PPP1R21: variants seen among roughly 807,000 people sequenced by gnomAD.
PPP1R21 encodes the protein protein phosphatase 1 regulatory subunit 21.
A neutral mutation model predicts 112.8 loss-of-function variants in PPP1R21; 85 were observed. That is an observed-to-expected ratio of 0.75 (90% confidence interval 0.63 to 0.90). The LOEUF (loss-of-function observed/expected upper bound fraction) is 0.90, where lower values mean the gene tolerates loss of function less well. PPP1R21 is among the 40% of genes least tolerant of loss of function. The pLI is 0.00. For missense variants in PPP1R21, 1,199 were observed against 901.5 expected (o/e 1.33, Z -4.23); for synonymous variants, 381 against 322.3 (o/e 1.18, Z -1.95).
At chr2:48,458,579 C>CT (rs80280182) in intron 4 of PPP1R21, among the ~76,000 whole-genome samples, 15,813 of 137,350 alleles carry the variant, frequency 0.12, 957 homozygotes, top group Non-Finnish European at 0.14. Flanking sequence ...CTCCCCCTCC[C>CT]TTTTTTTTTT....
intron 13 of PPP1R21, among the ~76,000 whole-genome samples, chr2:48,485,337 C>G (rs1466739514): frequency 1.3e-5 from 2 of 152,040 alleles, no homozygotes; most frequent in African/African-American, 4.8e-5. Context: ...ATTCAGCATC[C>G]TAATTGAATT....
intron 1 of PPP1R21, among the ~76,000 whole-genome samples, chr2:48,444,157 A>G (rs1022501997): frequency 6.6e-6 from 1 of 152,238 alleles, no homozygotes; most frequent in African/African-American, 2.4e-5. Flanking sequence ...TGAGGCAAAC[A>G]GATTGCTAAA....
intron 3 of PPP1R21, 105 bp from the exon 4 acceptor site, chr2:48,458,021 A>C (rs781114784): frequency 2.6e-6 from 2 of 769,940 alleles, no homozygotes; most frequent in Non-Finnish European, 4.7e-6. Flanking sequence ...AGAATGGTGA[A>C]CACATAGAAG....
intron 12 of PPP1R21, among the ~76,000 whole-genome samples, chr2:48,477,488 T>A (rs1668810519): frequency 6.6e-6 from 1 of 152,230 alleles, no homozygotes; most frequent in Non-Finnish European, 1.5e-5. Context: ...CTGAAAAGCC[T>A]ATTCTTTCCT....
intron 19 of PPP1R21, among the ~76,000 whole-genome samples, chr2:48,509,128 ACT>A (rs1337319768): frequency 2.0e-5 from 3 of 152,068 alleles, no homozygotes; most frequent in African/African-American, 4.8e-5. Context: ...TGATCTACAC[ACT>A]CTCTGGATAG....
At chr2:48,450,896 T>G in intron 1 of PPP1R21, 112 bp from the exon 2 acceptor site, 4 of 796,356 alleles carry the variant, frequency 5.0e-6, no homozygotes, top group Admixed American at 2.1e-5. Flanking sequence ...CATATATATG[T>G]GAGAAGCTAC....
chr2:48,461,117 G>A (rs1388813342), intron 6 of PPP1R21, 21 bp from the exon 7 acceptor site: 2 of 1,548,776 alleles, frequency 1.3e-6, no homozygotes, highest in East Asian at 2.4e-5. Flanking sequence ...ATGTGGTTTT[G>A]TATTTTTTTT....
Position 48,514,902 on chromosome 2 carries a change from A to G in PPP1R21, c.*158A>G, listed in dbSNP as rs1670805962. The G allele has an allele frequency of 6.2e-6, 4 of 646,608 alleles. No individual in the cohort carries two copies. Among genetic ancestry groups the G allele is most frequent in the Admixed American group, 6.3e-5 (2 of 31,852 alleles). The allele number at this position is 646,608 out of a possible 1,614,324, so 40.1% of individuals were successfully genotyped here. On this transcript the variant is annotated 3_prime_UTR_variant, in exon 22 of 22. Coordinates refer to ENST00000294952, the MANE Select transcript of PPP1R21 (RefSeq NM_001135629.3). The stretch of plus-strand genomic sequence containing the variant: ...TGTTGGAAACGGCCTTGAAATATTT[A>G]AAACATATTTGTAACCAGTGAGGCA...
intron 1 of PPP1R21, among the ~76,000 whole-genome samples, chr2:48,443,697 T>A (rs938345362): frequency 6.6e-6 from 1 of 152,232 alleles, no homozygotes; most frequent in African/African-American, 2.4e-5. Flanking sequence ...AAAGATTTCT[T>A]GTGCTTTTTA....
At chr2:48,460,547 CAT>C in intron 6 of PPP1R21, among the ~76,000 whole-genome samples, 1 of 152,104 alleles carries the variant, frequency 6.6e-6, no homozygotes, top group East Asian at 1.9e-4. Flanking sequence ...TTTGGAGATA[CAT>C]AAATTTTAAA....
chr2:48,447,172 C>T (rs758451479), intron 1 of PPP1R21, among the ~76,000 whole-genome samples: 7 of 152,142 alleles, frequency 4.6e-5, no homozygotes, highest in African/African-American at 1.4e-4. Flanking sequence ...GGAACTGAGG[C>T]ACAGGCTCTC....
rs767375408 is a variant in PPP1R21, at chr2:48,498,726, C to G, written c.1926C>G (p.Ser642Arg). The G allele has an allele frequency of 1.9e-6, 3 of 1,614,124 alleles. No individual in the cohort carries two copies. Among genetic ancestry groups the G allele is most frequent in the Non-Finnish European group, 2.5e-6 (3 of 1,179,986 alleles). The change falls in exon 17 of 22, where the codon AGC becomes AGG. Residue 642 changes from serine to arginine, a missense_variant. Physicochemically the swap from Ser to Arg is moderately radical, Grantham distance 110. Coordinates refer to ENST00000294952, the MANE Select transcript of PPP1R21 (RefSeq NM_001135629.3). Reference protein sequence around the residue: ...TAKAVLEPIQSTSLIGTLTRT... With the variant: ...TAKAVLEPIQRTSLIGTLTRT... ...AGGCTGTGTTGGAGCCCATTCAGAG[C>G]ACCAGTCTAGTAAGTGTCTTCTTGG...
At chr2:48,474,660 C>T (rs774916859) in intron 11 of PPP1R21, 23 bp from the exon 12 acceptor site, 1 of 1,591,382 alleles carries the variant, frequency 6.3e-7, no homozygotes, top group Non-Finnish European at 8.5e-7. Context: ...ATGCTCACTT[C>T]TTAAAAATCT....
rs554644838 is a variant in PPP1R21 at position 48,505,858 on chromosome 2, G to T, written c.1968+262G>T. 8.5e-5 allele frequency among the ~76,000 whole-genome samples: 13 copies of T among 152,288 alleles called. 1 individual carries two copies. In the South Asian group the frequency reaches 1.7e-3, roughly 19 times the overall value. Reference sequence around the variant, plus strand: ...TGACTTGCCATGGAGATTTGACAAGGTGTGGCTCCTGCTTGGGCCTTCATT... The same window carrying T: ...TGACTTGCCATGGAGATTTGACAAGTTGTGGCTCCTGCTTGGGCCTTCATT... On this transcript the variant is annotated intron_variant, in intron 18 of 21. Transcript: ENST00000294952.
At chr2:48,480,056 C>T (rs1668941324) in intron 13 of PPP1R21, 40 bp downstream of exon 13, 1 of 1,326,068 alleles carries the variant, frequency 7.5e-7, no homozygotes. Context: ...AACCTTTGCC[C>T]CACTTTCTTC....
At chr2:48,475,235 C>T (rs775818072) in intron 12 of PPP1R21, among the ~76,000 whole-genome samples, 39 of 152,064 alleles carry the variant, frequency 2.6e-4, no homozygotes, top group Non-Finnish European at 4.9e-4. Flanking sequence ...TCCCTGTAGT[C>T]CCAGCTACTC....
chr2:48,460,390 A>G (rs566404864), intron 6 of PPP1R21, among the ~76,000 whole-genome samples: 2 of 152,226 alleles, frequency 1.3e-5, no homozygotes, highest in Admixed American at 1.3e-4. Context: ...CGTGTTCTGG[A>G]GCTCTTGCAC....
At chr2:48,499,879 A>G (rs765894995) in intron 17 of PPP1R21, among the ~76,000 whole-genome samples, 1 of 152,264 alleles carries the variant, frequency 6.6e-6, no homozygotes, top group South Asian at 2.1e-4. Flanking sequence ...AGGAAAATCT[A>G]GAAAAAGAAA....
At chr2:48,485,273 C>T (rs1669232988) in intron 13 of PPP1R21, among the ~76,000 whole-genome samples, 1 of 151,722 alleles carries the variant, frequency 6.6e-6, no homozygotes, top group Middle Eastern at 3.2e-3. Context: ...CATAACAAAC[C>T]TGCACATAAA....
Sources: gnomAD v4.1 joint callset for allele counts (sites outside exome capture counted in the v4.1 genomes callset) on GRCh38, gnomAD v4.1.1 for gene constraint, MANE v1.5 for transcripts, NCBI Gene and HGNC (gene_info 2026-07-23, HGNC 2026-07-21) for gene names.